The following PCDHGB5 variants were observed in gnomAD, a reference collection of about 807,000 sequenced individuals.
The protein encoded by PCDHGB5 is protocadherin gamma-B5.
Under a neutral mutation model 62.9 loss-of-function variants are expected in PCDHGB5, and 48 were observed. That is an observed-to-expected ratio of 0.76 (90% CI 0.61 to 0.97). PCDHGB5 has a LOEUF of 0.97. Ranked by LOEUF, PCDHGB5 falls within the 50% of genes least tolerant of loss-of-function variation. PCDHGB5 has a pLI of 0.00. For missense variants in PCDHGB5, 1,118 were observed against 1,198.6 expected (o/e 0.93, Z 0.99); for synonymous variants, 474 against 511.2 (o/e 0.93, Z 0.98).
Position 141,437,485 on chromosome 5 carries a change from C to T in PCDHGB5, c.2397+36961C>T, listed in dbSNP as rs372023505. The stretch of plus-strand genomic sequence containing the variant: ...TATACTTTTATAGCATATTTAATCT[C>T]GTAGATCACTTTTCAATGAATTATA... On this transcript the variant is annotated intron_variant, in intron 1 of 3. Transcript: ENST00000617380. Among the ~76,000 whole-genome samples, 16 of 152,188 alleles carry T rather than the reference C, an allele frequency of 1.1e-4. No individual in the cohort carries two copies. In the East Asian group the frequency reaches 2.9e-3, roughly 28 times the overall value.
chr5:141,413,812 C>G (rs761118146), intron 1 of PCDHGB5: 3 of 1,613,144 alleles, frequency 1.9e-6, no homozygotes, highest in Non-Finnish European at 1.7e-6. Context: ...GGCCATTCAC[C>G]ACCTGGTCCT....
At chr5:141,445,249 G>A (rs1337658576) in intron 1 of PCDHGB5, among the ~76,000 whole-genome samples, 2 of 152,170 alleles carry the variant, frequency 1.3e-5, no homozygotes, top group South Asian at 4.1e-4. Flanking sequence ...ACTATATTGT[G>A]TGAGAATATA....
At chr5:141,498,222 T>A (rs1258826914) in intron 2 of PCDHGB5, among the ~76,000 whole-genome samples, 1 of 152,218 alleles carries the variant, frequency 6.6e-6, no homozygotes, top group East Asian at 1.9e-4. Flanking sequence ...GCATTCCAGA[T>A]GGTCAGGCAT....
At chr5:141,469,929 G>C (rs1208858245) in intron 1 of PCDHGB5, among the ~76,000 whole-genome samples, 1 of 152,168 alleles carries the variant, frequency 6.6e-6, no homozygotes, top group Non-Finnish European at 1.5e-5. Context: ...TCAGGAGTTT[G>C]AGACCAGCCT....
At chr5:141,441,527 A>G (rs2098252922) in intron 1 of PCDHGB5, 2 of 173,076 alleles carry the variant, frequency 1.2e-5, no homozygotes, top group African/African-American at 2.4e-5. Flanking sequence ...GTGGCCAAGA[A>G]CAATCTTCCC....
At chr5:141,507,447 G>A (rs998019159) in intron 3 of PCDHGB5, among the ~76,000 whole-genome samples, 1 of 152,226 alleles carries the variant, frequency 6.6e-6, no homozygotes, top group Non-Finnish European at 1.5e-5. Flanking sequence ...GCTGACGGAA[G>A]GACAGAGAGA....
chr5:141,465,688 G>C (rs1386213425), intron 1 of PCDHGB5, among the ~76,000 whole-genome samples: 1 of 152,086 alleles, frequency 6.6e-6, no homozygotes, highest in African/African-American at 2.4e-5. Context: ...TGACCAGTCT[G>C]CTTTTGCATT....
chr5:141,402,871 A>G, intron 1 of PCDHGB5: 1 of 1,452,626 alleles, frequency 6.9e-7, no homozygotes, highest in Non-Finnish European at 9.1e-7. Context: ...AAAGATCACC[A>G]TACTTTGCAG....
At chr5:141,435,875 T>C (rs1324511823) in intron 1 of PCDHGB5, among the ~76,000 whole-genome samples, 1 of 152,100 alleles carries the variant, frequency 6.6e-6, no homozygotes, top group African/African-American at 2.4e-5. Flanking sequence ...AGAAAAGAGA[T>C]TGGAAACCCC....
chr5:141,422,594 C>G, intron 1 of PCDHGB5: 1 of 1,614,090 alleles, frequency 6.2e-7, no homozygotes, highest in Non-Finnish European at 8.5e-7. Flanking sequence ...TTTCCTCACT[C>G]CTCTTACTCT....
chr5:141,470,650 T>C (rs2099235744), intron 1 of PCDHGB5, among the ~76,000 whole-genome samples: 1 of 152,184 alleles, frequency 6.6e-6, no homozygotes, highest in Non-Finnish European at 1.5e-5. Context: ...TGAAGGCCCC[T>C]ACCCTTTGGT....
rs2099623857 is a variant in PCDHGB5, at chr5:141,486,060, A to ACC, written c.2398-8744_2398-8743dup. On this transcript the variant is annotated intron_variant, in intron 1 of 3. Transcript: ENST00000617380. This position sits in a 1 kb window ranked among gnomAD's most constrained non-coding sequence, Gnocchi z 5.0. Reference sequence around the variant, plus strand: ...CGTGTAAGAAACCTCTTTAGCCTGCACCCCACTACTGGAAAGCTTACTCTT... The same window carrying ACC: ...CGTGTAAGAAACCTCTTTAGCCTGCACCCCCCACTACTGGAAAGCTTACTCTT... The ACC allele has an allele frequency of 1.2e-6, 2 of 1,613,980 alleles. No homozygotes were observed. The highest frequency in any genetic ancestry group is 1.7e-6 in the Non-Finnish European group (2 of 1,179,980).
chr5:141,490,804 T>C lies in PCDHGB5; in HGVS notation c.2398-4003T>C. On this transcript the variant is annotated intron_variant, in intron 1 of 3. Coordinates refer to ENST00000617380, the MANE Select transcript of PCDHGB5 (RefSeq NM_018925.3). This position sits in a 1 kb window ranked among gnomAD's most constrained non-coding sequence, Gnocchi z 5.4. The stretch of plus-strand genomic sequence containing the variant: ...TGGACGGATCTTTGCCCAGCGTACC[T>C]TTGACTATGAATTGCTGCAGATGCT... 2 of 1,613,854 alleles carry C rather than the reference T, an allele frequency of 1.2e-6. No homozygotes were observed. Among genetic ancestry groups the C allele is most frequent in the Non-Finnish European group, 1.7e-6 (2 of 1,179,816 alleles).
At chr5:141,423,471 G>A in intron 1 of PCDHGB5, 1 of 1,614,052 alleles carries the variant, frequency 6.2e-7, no homozygotes, top group South Asian at 1.1e-5. Context: ...ACGGGGTACA[G>A]GCTTTCCTGC....
At chr5:141,466,898 A>G (rs1029507733) in intron 1 of PCDHGB5, among the ~76,000 whole-genome samples, 1 of 152,170 alleles carries the variant, frequency 6.6e-6, no homozygotes, top group African/African-American at 2.4e-5. Context: ...TTTTCCATGA[A>G]GTTTTTGAAA....
chr5:141,509,586 T>A (rs2154594569), intron 3 of PCDHGB5, among the ~76,000 whole-genome samples: 1 of 152,302 alleles, frequency 6.6e-6, no homozygotes, highest in East Asian at 1.9e-4. Flanking sequence ...ACAAATCAGC[T>A]GGCAATTCCG....
chr5:141,436,121 C>T (rs2097796819), intron 1 of PCDHGB5, among the ~76,000 whole-genome samples: 1 of 152,154 alleles, frequency 6.6e-6, no homozygotes, highest in Admixed American at 6.5e-5. Context: ...AAACCTCTCT[C>T]CTCCATCATC....
chr5:141,415,739 GGTTTTTT>G lies in PCDHGB5; in HGVS notation c.2397+15216_2397+15222del. 7.6e-5 allele frequency: 33 copies of G among 434,894 alleles called. No homozygotes were observed. In the African/African-American group the frequency reaches 8.5e-4, roughly 11 times the overall value. The allele number at this position is 434,894 out of a possible 1,614,324, so 26.9% of individuals were successfully genotyped here. A position where few individuals can be genotyped will look rare whatever the true frequency, so the allele number is the denominator to read the frequency against. On this transcript the variant is annotated intron_variant, in intron 1 of 3. Transcript: ENST00000617380. ...ATGAGTAGAATTTGATGTTTATTAA[GGTTTTTT>G]TTTTTTTTTTTTTTTTTTTTTTTTT...
Position 141,490,916 on chromosome 5 carries a change from A to C in PCDHGB5, c.2398-3891A>C. 1 of 1,613,724 alleles carries C rather than the reference A, an allele frequency of 6.2e-7. No homozygotes were observed. Among genetic ancestry groups the C allele is most frequent in the Non-Finnish European group, 8.5e-7 (1 of 1,179,736 alleles). ...CATGTGTTTGTCCTAGACGAGAATG[A>C]TAATGCCCCAGCTGTGCTGCACCCA... is the stretch of plus-strand genomic sequence containing the variant. On this transcript the variant is annotated intron_variant, in intron 1 of 3. Transcript: ENST00000617380. This position sits in a 1 kb window ranked among gnomAD's most constrained non-coding sequence, Gnocchi z 5.4.
Sources: gnomAD v4.1 joint callset for allele counts (sites outside exome capture counted in the v4.1 genomes callset) on GRCh38, gnomAD v4.1.1 for gene constraint, Gnocchi (gnomAD v3.1) non-coding constraint, MANE v1.5 for transcripts, NCBI Gene and HGNC (gene_info 2026-07-23, HGNC 2026-07-21) for gene names.